Variants in UGT1A7 observed in about 807,000 individuals in gnomAD.
UGT1A7 encodes the protein UDP-glucuronosyltransferase 1A7.
A neutral mutation model predicts 45.6 loss-of-function variants in UGT1A7; 33 were observed. The ratio of observed to expected loss-of-function variants is 0.72; its 90% confidence interval spans 0.55 to 0.97. The LOEUF (loss-of-function observed/expected upper bound fraction) is 0.97, where lower values mean the gene tolerates loss of function less well. UGT1A7 is among the 50% of genes least tolerant of loss of function. The pLI, the probability that UGT1A7 is intolerant of heterozygous loss-of-function variation, is 0.00. For synonymous variants in UGT1A7, 274 were observed against 250.6 expected (o/e 1.09, Z -0.88); for missense variants, 684 against 666.2 (o/e 1.03, Z -0.29).
chr2:233,717,209 C>T (rs555628633), intron 1 of UGT1A7, among the ~76,000 whole-genome samples: 6 of 152,284 alleles, frequency 3.9e-5, no homozygotes, highest in South Asian at 4.2e-4. Flanking sequence ...ACCCTCACCC[C>T]GGGCTCATCA....
intron 1 of UGT1A7, among the ~76,000 whole-genome samples, chr2:233,695,395 A>G (rs1203917830): frequency 6.6e-6 from 1 of 150,614 alleles, no homozygotes; most frequent in Non-Finnish European, 1.5e-5. Flanking sequence ...AAGTGCTGGG[A>G]TTACAGGCGT....
chr2:233,761,777 C>T (rs1456855794), intron 1 of UGT1A7, among the ~76,000 whole-genome samples: 1 of 152,206 alleles, frequency 6.6e-6, no homozygotes, highest in Non-Finnish European at 1.5e-5. Context: ...TTCACATCCT[C>T]ATCGAAATCT....
At chr2:233,742,811 A>G (rs1335727618) in intron 1 of UGT1A7, 2 of 153,508 alleles carry the variant, frequency 1.3e-5, no homozygotes, top group Non-Finnish European at 2.9e-5. Flanking sequence ...AAGTATTGAT[A>G]TTATTTGTAG....
chr2:233,724,232 C>T (rs1575550946), intron 1 of UGT1A7, among the ~76,000 whole-genome samples: 6 of 120,552 alleles, frequency 5.0e-5, no homozygotes, highest in South Asian at 3.2e-4. Flanking sequence ...CCAGTAGGGG[C>T]GGCCGGGCAG....
At chr2:233,770,549 T>C (rs1220272101) in intron 4 of UGT1A7, 7 of 151,978 alleles carry the variant, frequency 4.6e-5, no homozygotes, top group Non-Finnish European at 8.8e-5. Flanking sequence ...TCCCAGCTAT[T>C]TGGGAGGCTG....
chr2:233,729,991 C>G, intron 1 of UGT1A7: 2 of 1,614,020 alleles, frequency 1.2e-6, no homozygotes, highest in Non-Finnish European at 1.7e-6. Flanking sequence ...GCCACTATCT[C>G]AGGTCTGTAT....
chr2:233,772,112 C>T (rs1700461982), intron 4 of UGT1A7, 150 bp from the exon 5 acceptor site: 2 of 1,527,992 alleles, frequency 1.3e-6, no homozygotes, highest in Non-Finnish European at 1.8e-6. Flanking sequence ...GACTCTGTAT[C>T]TAAAAACAAC....
intron 1 of UGT1A7, 98 bp from the exon 2 acceptor site, chr2:233,766,936 A>G: frequency 1.1e-5 from 18 of 1,586,086 alleles, no homozygotes; most frequent in Non-Finnish European, 1.5e-5. Context: ...GCCTTTAATC[A>G]TAGTCTTAAG....
At chr2:233,765,999 C>G (rs1036845415) in intron 1 of UGT1A7, among the ~76,000 whole-genome samples, 1 of 151,990 alleles carries the variant, frequency 6.6e-6, no homozygotes, top group Non-Finnish European at 1.5e-5. Flanking sequence ...CTCCAGTGGG[C>G]GTGGGTTATG....
At chr2:233,698,025 A>G (rs1191813775) in intron 1 of UGT1A7, among the ~76,000 whole-genome samples, 3 of 152,166 alleles carry the variant, frequency 2.0e-5, no homozygotes, top group Non-Finnish European at 2.9e-5. Context: ...GGTACCAATT[A>G]TCTTATTTTT....
intron 1 of UGT1A7, chr2:233,756,051 T>C (rs1176679443): frequency 6.6e-6 from 1 of 152,238 alleles, no homozygotes; most frequent in Non-Finnish European, 1.5e-5. Context: ...AAAACTCCAC[T>C]GTACACTTGT....
chr2:233,757,311 G>T (rs1320628354), intron 1 of UGT1A7, among the ~76,000 whole-genome samples: 1 of 149,170 alleles, frequency 6.7e-6, no homozygotes, highest in Non-Finnish European at 1.5e-5. Context: ...GGGACAGGGG[G>T]GCTGGGGCCC....
chr2:233,728,275 C>T (rs45459598), intron 1 of UGT1A7, among the ~76,000 whole-genome samples: 67 of 152,164 alleles, frequency 4.4e-4, no homozygotes, highest in Non-Finnish European at 6.9e-4. Context: ...CTGGAGCCTT[C>T]GGCATTCAGA....
intron 1 of UGT1A7, chr2:233,747,538 CATTTTCTAAAAGTATGGCAATTT>C (rs1393766304): frequency 6.2e-7 from 1 of 1,604,248 alleles, no homozygotes; most frequent in East Asian, 2.2e-5. Flanking sequence ...TTTCTGAAGA[CATTTTCTAAAAGTATGGCAATTT>C]TGAAAAATTC....
intron 1 of UGT1A7, among the ~76,000 whole-genome samples, chr2:233,694,699 C>T (rs1279284041): frequency 6.6e-6 from 1 of 152,312 alleles, no homozygotes; most frequent in East Asian, 1.9e-4. Context: ...CCTTACCTCT[C>T]TTCTTTACAC....
intron 1 of UGT1A7, chr2:233,730,016 A>G (rs763607059): frequency 4.4e-5 from 71 of 1,613,718 alleles, no homozygotes; most frequent in Non-Finnish European, 5.8e-5. Flanking sequence ...GCCTTCATCC[A>G]ATCAATGTTC....
At chr2:233,743,695 C>T (rs751572797) in intron 1 of UGT1A7, 1 of 1,367,334 alleles carries the variant, frequency 7.3e-7, no homozygotes, top group East Asian at 4.5e-5. Flanking sequence ...TGCAGCCGCC[C>T]TCCGCCCCCG....
At chr2:233,760,603 C>T in intron 1 of UGT1A7, 1 of 1,614,202 alleles carries the variant, frequency 6.2e-7, no homozygotes, top group Non-Finnish European at 8.5e-7. Context: ...TGATTCTTTC[C>T]TGCAGCGTGT....
Position 233,772,748 on chromosome 2 carries a change from T to C in UGT1A7, c.*189T>C. 7.0e-7 allele frequency: 1 copy of C among 1,420,206 alleles called. No individual in the cohort carries two copies. The highest frequency in any genetic ancestry group is 9.2e-7 in the Non-Finnish European group (1 of 1,083,550). The allele number at this position is 1,420,206 out of a possible 1,614,324, so 88.0% of individuals were successfully genotyped here. A position where few individuals can be genotyped will look rare whatever the true frequency, so the allele number is the denominator to read the frequency against. ...AGACTCGCTAGTCAGTAAAGATATT[T>C]GAATATGTATCGTGCCCCCTCTGGT... On this transcript the variant is annotated 3_prime_UTR_variant, in exon 5 of 5. Transcript: ENST00000373426.
Sources: gnomAD v4.1 joint callset for allele counts (sites outside exome capture counted in the v4.1 genomes callset) on GRCh38, gnomAD v4.1.1 for gene constraint, MANE v1.5 for transcripts, NCBI Gene and HGNC (gene_info 2026-07-23, HGNC 2026-07-21) for gene names.